Variants in NAA11 observed in about 807,000 individuals in gnomAD.
The protein encoded by NAA11 is N-alpha-acetyltransferase 11.
Under a neutral mutation model 16.1 loss-of-function variants are expected in NAA11, and 15 were observed. The ratio of observed to expected loss-of-function variants is 0.93; its 90% confidence interval spans 0.62 to 1.44. NAA11 has a LOEUF of 1.44. Among genes scored for constraint, NAA11 ranks in the 40% most tolerant of loss-of-function variants. NAA11 has a pLI of 0.00. For synonymous variants in NAA11, 122 were observed against 112.4 expected (o/e 1.09, Z -0.54); for missense variants, 298 against 291.3 (o/e 1.02, Z -0.17).
At chr4:79,173,755 T>A in the NAA11 span, among the ~76,000 whole-genome samples, 1 of 152,094 alleles carries the variant, frequency 6.6e-6, no homozygotes, top group Non-Finnish European at 1.5e-5. Context: ...ATAAGGTATG[T>A]TCCACGTTCT....
At chr4:79,297,236 C>T (rs1002365945) in intron 1 of NAA11, among the ~76,000 whole-genome samples, 3 of 152,302 alleles carry the variant, frequency 2.0e-5, no homozygotes, top group Non-Finnish European at 4.4e-5. Context: ...TAGGGACAAG[C>T]GAGAGCCTCC....
chr4:79,225,071 AAAAAT>A (rs1166625582), downstream of NAA11, among the ~76,000 whole-genome samples: 1 of 152,058 alleles, frequency 6.6e-6, no homozygotes, highest in African/African-American at 2.4e-5. Flanking sequence ...CACTAGGAAA[AAAAAT>A]AAGGAAATCA....
At chr4:79,237,557 C>T (rs188087288) in intron 2 of NAA11, among the ~76,000 whole-genome samples, 10 of 152,304 alleles carry the variant, frequency 6.6e-5, no homozygotes, top group African/African-American at 1.9e-4. Context: ...CAAACACTGA[C>T]ACCTATCACC....
At chr4:79,323,627 T>C (rs1724168381) in intron 1 of NAA11, among the ~76,000 whole-genome samples, 1 of 152,154 alleles carries the variant, frequency 6.6e-6, no homozygotes. Context: ...AAGACCATCC[T>C]GGCTAACACA....
At chr4:79,222,822 A>C (rs1486255391), downstream of NAA11, among the ~76,000 whole-genome samples, 6 of 152,214 alleles carry the variant, frequency 3.9e-5, no homozygotes, top group South Asian at 1.0e-3. Context: ...ACCCCATCAA[A>C]AAGTGGGTGA....
intron 1 of NAA11, among the ~76,000 whole-genome samples, chr4:79,323,406 G>A (rs1724159336): frequency 6.6e-6 from 1 of 152,210 alleles, no homozygotes; most frequent in South Asian, 2.1e-4. Flanking sequence ...AAGTACAAGA[G>A]CTGGGCGCGG....
chr4:79,314,162 T>G (rs11098649), downstream of NAA11, among the ~76,000 whole-genome samples: 63,710 of 152,052 alleles, frequency 0.42, 14,643 homozygotes, highest in East Asian at 0.78. Context: ...ACACGTACTT[T>G]TAAAATATTT....
intron 1 of NAA11, chr4:79,294,211 A>G (rs1044396935): frequency 6.6e-6 from 1 of 152,260 alleles, no homozygotes; most frequent in Non-Finnish European, 1.5e-5. Flanking sequence ...AATTTTAAGC[A>G]CAGCTCATCT....
At chr4:79,253,559 G>A (rs576347055) in intron 2 of NAA11, among the ~76,000 whole-genome samples, 1 of 152,192 alleles carries the variant, frequency 6.6e-6, no homozygotes, top group South Asian at 2.1e-4. Flanking sequence ...AGTGATGAGA[G>A]AGAGAGAGAA....
the NAA11 span, among the ~76,000 whole-genome samples, chr4:79,156,934 T>C: frequency 6.6e-6 from 1 of 152,158 alleles, no homozygotes; most frequent in Non-Finnish European, 1.5e-5. Flanking sequence ...TAAATACAGA[T>C]AGTGTTTCAT....
At chr4:79,325,114 A>G in intron 1 of NAA11, 62 bp downstream of exon 1, 1 of 1,394,290 alleles carries the variant, frequency 7.2e-7, no homozygotes, top group Non-Finnish European at 9.6e-7. Context: ...GGAATTGGGC[A>G]GGCCAAGGCA....
intron 1 of NAA11, among the ~76,000 whole-genome samples, chr4:79,294,287 C>G (rs533065807): frequency 6.6e-6 from 1 of 152,282 alleles, no homozygotes; most frequent in African/African-American, 2.4e-5. Context: ...CATCGTCTCC[C>G]TTTGAACTTA....
intron 1 of NAA11, among the ~76,000 whole-genome samples, chr4:79,297,203 C>T (rs1723248680): frequency 6.6e-6 from 1 of 152,210 alleles, no homozygotes; most frequent in Non-Finnish European, 1.5e-5. Flanking sequence ...AGTGGTGCTG[C>T]ACTCCACAGA....
the NAA11 span, among the ~76,000 whole-genome samples, chr4:79,196,840 A>G: frequency 1.3e-5 from 2 of 151,616 alleles, no homozygotes; most frequent in Admixed American, 1.3e-4. Context: ...GAAGGGAGAA[A>G]CAGAAGAGTG....
At chr4:79,171,464 T>C in the NAA11 span, among the ~76,000 whole-genome samples, 4 of 152,304 alleles carry the variant, frequency 2.6e-5, no homozygotes, top group Admixed American at 2.6e-4. Flanking sequence ...ATCTGTTCTT[T>C]ATAAATTACC....
downstream of NAA11, among the ~76,000 whole-genome samples, chr4:79,223,890 A>C (rs1244748627): frequency 1.3e-5 from 2 of 152,128 alleles, no homozygotes; most frequent in Non-Finnish European, 2.9e-5. Flanking sequence ...AAAAGTCTAC[A>C]TATATATGAC....
intron 1 of NAA11, among the ~76,000 whole-genome samples, chr4:79,322,518 T>TATAC (rs745664843): frequency 5.9e-5 from 9 of 151,802 alleles, no homozygotes; most frequent in Non-Finnish European, 1.0e-4. Context: ...TATATATATA[T>TATAC]ATGGTTTTAA....
At chr4:79,307,626 A>G (rs1305453873) in intron 1 of NAA11, among the ~76,000 whole-genome samples, 2 of 152,210 alleles carry the variant, frequency 1.3e-5, no homozygotes, top group Non-Finnish European at 1.5e-5. Flanking sequence ...AAGGTAAAAC[A>G]AATGGTAGAG....
At chr4:79,303,076 T>TTTTATATATATATATA (rs1553896049) in intron 1 of NAA11, among the ~76,000 whole-genome samples, 1 of 67,530 alleles carries the variant, frequency 1.5e-5, no homozygotes, top group African/African-American at 5.9e-5. Context: ...TTGAGGCCTT[T>TTTTATATATATATATA]TATATATATA....
Sources: allele counts gnomAD v4.1 joint callset (sites outside exome capture counted in the v4.1 genomes callset), GRCh38; gene constraint gnomAD v4.1.1; transcripts MANE v1.5; gene names NCBI Gene and HGNC (gene_info 2026-07-23, HGNC 2026-07-21).